The following CHD1L variants were observed in gnomAD, a reference collection of about 807,000 sequenced individuals.
The protein encoded by CHD1L is ATP-dependent chromatin remodeler CHD1L.
CHD1L carries 118 observed loss-of-function variants against 115.9 expected under a neutral mutation model. That is an observed-to-expected ratio of 1.02 (90% CI 0.88 to 1.19). The LOEUF (loss-of-function observed/expected upper bound fraction) is 1.19, where lower values mean the gene tolerates loss of function less well. Among genes scored for constraint, CHD1L ranks in the 50% most tolerant of loss-of-function variants. The pLI is 0.00. For missense variants in CHD1L, 1,179 were observed against 1,065.3 expected (o/e 1.11, Z -1.49); for synonymous variants, 411 against 387.1 (o/e 1.06, Z -0.72).
chr1:147,223,937 C>T, the CHD1L span: 5 of 375,654 alleles, frequency 1.3e-5, no homozygotes, highest in East Asian at 2.5e-4. Context: ...AGGGGATACC[C>T]CCATCGAGAC....
rs587733875 is a variant in CHD1L at position 147,252,752 on chromosome 1, C to G, written c.240+17C>G. Reference sequence around the variant, plus strand: ...ACCTGCCAGGTGTGTTACTATGCGACGAGTACTGCTCACCGCCACTGCGAT... The same window carrying G: ...ACCTGCCAGGTGTGTTACTATGCGAGGAGTACTGCTCACCGCCACTGCGAT... On this transcript the variant is annotated intron_variant, in intron 2 of 22. Transcript: ENST00000369258. The G allele has an allele frequency of 1.3e-6, 2 of 1,557,092 alleles. No homozygotes were observed. The highest frequency in any genetic ancestry group is 2.2e-5 in the South Asian group (2 of 89,692).
At chr1:147,187,588 C>T in the CHD1L span, among the ~76,000 whole-genome samples, 7 of 152,114 alleles carry the variant, frequency 4.6e-5, no homozygotes, top group Non-Finnish European at 8.8e-5. Context: ...ATACAAAGGA[C>T]TCTGATGTTA....
chr1:147,203,461 G>C, the CHD1L span: 1 of 829,840 alleles, frequency 1.2e-6, no homozygotes, highest in East Asian at 2.4e-5. Context: ...CGTTACAGCA[G>C]GGACTACAGC....
intron 4 of CHD1L, 116 bp downstream of exon 4, chr1:147,256,043 T>C: frequency 3.5e-6 from 2 of 577,700 alleles, no homozygotes; most frequent in Non-Finnish European, 5.9e-6. Flanking sequence ...GGGCAGGGAG[T>C]CTACCTTCAT....
At chr1:147,281,830 C>A (rs917067926) in intron 15 of CHD1L, among the ~76,000 whole-genome samples, 3 of 151,730 alleles carry the variant, frequency 2.0e-5, no homozygotes, top group Non-Finnish European at 4.4e-5. Context: ...TTGAAATTGG[C>A]AGATAAAATT....
At chr1:147,180,301 G>T in the CHD1L span, among the ~76,000 whole-genome samples, 1 of 150,870 alleles carries the variant, frequency 6.6e-6, no homozygotes, top group South Asian at 2.1e-4. Flanking sequence ...TGGTTTTTGT[G>T]TTTTTTTTTG....
chr1:147,241,855 A>C (rs1664931248), upstream of CHD1L, among the ~76,000 whole-genome samples: 1 of 152,204 alleles, frequency 6.6e-6, no homozygotes, highest in Non-Finnish European at 1.5e-5. Flanking sequence ...TTCCTGTTCC[A>C]GTACTGCCAA....
intron 14 of CHD1L, among the ~76,000 whole-genome samples, chr1:147,278,599 T>C (rs2102796125): frequency 6.6e-6 from 1 of 151,268 alleles, no homozygotes; most frequent in Non-Finnish European, 1.5e-5. Context: ...AAGCAGTAGG[T>C]ATGGAGTTCT....
chr1:147,233,250 C>A, the CHD1L span, among the ~76,000 whole-genome samples: 2 of 151,320 alleles, frequency 1.3e-5, no homozygotes, highest in African/African-American at 2.4e-5. Flanking sequence ...AAGTGAGGAG[C>A]CCCTCCGCCC....
intron 17 of CHD1L, 77 bp downstream of exon 17, chr1:147,285,564 A>AGAAAT: frequency 2.1e-6 from 3 of 1,408,846 alleles, no homozygotes; most frequent in South Asian, 1.6e-5. Flanking sequence ...GTTGAATATC[A>AGAAAT]CTTTAAAAAT....
intron 12 of CHD1L, among the ~76,000 whole-genome samples, chr1:147,274,200 G>A (rs1306318485): frequency 2.0e-5 from 3 of 152,140 alleles, no homozygotes; most frequent in Non-Finnish European, 2.9e-5. Flanking sequence ...TATAAAGTGG[G>A]GAAAATCGTA....
chr1:147,259,808 A>G (rs782125278), intron 5 of CHD1L, 29 bp from the exon 6 acceptor site: 2 of 1,587,162 alleles, frequency 1.3e-6, no homozygotes, highest in Non-Finnish European at 1.7e-6. Flanking sequence ...AAATTACACA[A>G]AACTGAAAGC....
the CHD1L span, chr1:147,174,912 A>C: frequency 6.6e-6 from 1 of 152,198 alleles, no homozygotes; most frequent in African/African-American, 2.4e-5. Flanking sequence ...CCTCAGATCA[A>C]TCATTCTGCC....
the CHD1L span, chr1:147,186,406 C>T: frequency 1.1e-6 from 1 of 900,804 alleles, no homozygotes; most frequent in Non-Finnish European, 1.3e-6. Flanking sequence ...ATACATACAA[C>T]TATTGTAGGA....
chr1:147,235,087 C>CTGTGTGTGTGTGTGTGTGTGTGTGTGTG, the CHD1L span, among the ~76,000 whole-genome samples: 4 of 146,174 alleles, frequency 2.7e-5, no homozygotes, highest in East Asian at 2.1e-4. Context: ...ATATCCCACA[C>CTGTGTGTGTGTGTGTGTGTGTGTGTGTG]TGTGTGTGTG....
intron 10 of CHD1L, 73 bp downstream of exon 10, chr1:147,268,951 G>A (rs1297817693): frequency 2.5e-6 from 3 of 1,193,852 alleles, no homozygotes; most frequent in Non-Finnish European, 3.6e-6. Flanking sequence ...AACTCACTGA[G>A]TTGTTCAGGC....
chr1:147,194,409 A>G, the CHD1L span, among the ~76,000 whole-genome samples: 1 of 152,070 alleles, frequency 6.6e-6, no homozygotes, highest in Non-Finnish European at 1.5e-5. Context: ...GTCTCTGCAC[A>G]TGAGATGGGT....
chr1:147,179,328 G>GT, the CHD1L span: 3 of 1,606,018 alleles, frequency 1.9e-6, no homozygotes, highest in East Asian at 4.5e-5. Flanking sequence ...ATGCCCCTTG[G>GT]TGTGGTCACT....
chr1:147,253,584 A>C (rs587705715), intron 2 of CHD1L, among the ~76,000 whole-genome samples: 1 of 152,224 alleles, frequency 6.6e-6, no homozygotes, highest in Non-Finnish European at 1.5e-5. Flanking sequence ...GCTCACTGCA[A>C]CCTCTGCCTC....
Sources: gnomAD v4.1 joint callset for allele counts (sites outside exome capture counted in the v4.1 genomes callset) on GRCh38, gnomAD v4.1.1 for gene constraint, MANE v1.5 for transcripts, NCBI Gene and HGNC (gene_info 2026-07-23, HGNC 2026-07-21) for gene names.